The following RTL8C variants were observed in gnomAD, a reference collection of about 807,000 sequenced individuals.
RTL8C encodes retrotransposon Gag like 8C, also known as retrotransposon Gag-like protein 8C.
In RTL8C, 1 loss-of-function variant was observed where a neutral mutation model predicts 5.0. The observed-to-expected ratio is 0.20, with a 90% CI of 0.07 to 0.95. The LOEUF (loss-of-function observed/expected upper bound fraction) is 0.95. Among genes scored for constraint, RTL8C ranks in the 40% least tolerant of loss-of-function variants. The pLI, the probability that RTL8C is intolerant of heterozygous loss-of-function variation, is 0.63. For missense variants in RTL8C, 39 were observed against 99.3 expected (o/e 0.39, Z 2.58); for synonymous variants, 37 against 44.5 (o/e 0.83, Z 0.67).
At position 135,032,951 on chromosome X, in the gene RTL8C, C is replaced by G; in HGVS notation, c.*226C>G. ...CCCTGGGCCTCACTCTGGAGCGAGC[C>G]GCCGCCCTCTCCTTCCAGCCAGCCA... On this transcript the variant is annotated 3_prime_UTR_variant, in exon 1 of 1. Coordinates refer to ENST00000257013, the MANE Select transcript of RTL8C (RefSeq NM_001078171.2). The G allele has an allele frequency of 9.1e-7, 1 of 1,093,282 alleles. No individual in the cohort carries two copies. The highest frequency in any genetic ancestry group is 1.2e-6 in the Non-Finnish European group (1 of 836,195). 90.1% of individuals were successfully genotyped at this position (1,093,282 alleles called of 1,213,427 possible). A position where few individuals can be genotyped will look rare whatever the true frequency, so the allele number is the denominator to read the frequency against.
chrX:135,032,500 A>G lies in RTL8C; in HGVS notation c.117A>G (p.Arg39=), dbSNP rs202167524. Residue 39 remains arginine, a synonymous_variant, in exon 1 of 1, where the codon CGA becomes CGG. Coordinates refer to ENST00000257013, the MANE Select transcript of RTL8C (RefSeq NM_001078171.2). ...FPETFDGDTD[R]LPEFIVQTGS... Reference sequence around the variant, plus strand: ...AGACGTTTGACGGCGATACCGACCGACTCCCGGAGTTCATCGTGCAGACGG... The same window carrying G: ...AGACGTTTGACGGCGATACCGACCGGCTCCCGGAGTTCATCGTGCAGACGG... 57 of 1,209,658 alleles carry G rather than the reference A, an allele frequency of 4.7e-5. No individual in the cohort carries two copies. The highest frequency in any genetic ancestry group is 5.9e-5 in the Non-Finnish European group (53 of 895,103).
Position 135,033,156 on chromosome X carries a change from G to A in RTL8C, c.*431G>A. 1 of 933,439 alleles carries A rather than the reference G, an allele frequency of 1.1e-6. No homozygotes were observed. The highest frequency in any genetic ancestry group is 1.4e-6 in the Non-Finnish European group (1 of 708,927). 76.9% of individuals were successfully genotyped at this position (933,439 alleles called of 1,213,427 possible). ...GCTGCCACAGCCATCGCCATCCATCGCATCCCACCGACAGACTGCTGCTCC... is the reference window on the plus strand; with the variant it reads ...GCTGCCACAGCCATCGCCATCCATCACATCCCACCGACAGACTGCTGCTCC... On this transcript the variant is annotated 3_prime_UTR_variant, in exon 1 of 1. Coordinates refer to ENST00000257013, the MANE Select transcript of RTL8C (RefSeq NM_001078171.2).
Position 135,032,795 on chromosome X carries a change from G to C in RTL8C, c.*70G>C. ...CCGCTGTGTTACTGGCCGCCGCCAG[G>C]GTCGCCACCGGCGCCCTCCCTCCGC... On this transcript the variant is annotated 3_prime_UTR_variant, in exon 1 of 1. Transcript: ENST00000257013. 1.7e-6 allele frequency: 2 copies of C among 1,169,490 alleles called. No homozygotes were observed. The highest frequency in any genetic ancestry group is 1.8e-5 in the African/African-American group (1 of 56,509).
At position 135,033,282 on chromosome X, in the gene RTL8C, G is replaced by A; in HGVS notation, c.*557G>A. On this transcript the variant is annotated 3_prime_UTR_variant, in exon 1 of 1. Transcript: ENST00000257013. ...CCCCAAGGGATCTGTCACCTTCAGC[G>A]AGACCTATTTCCTCCCCACCCCCAG... 2.9e-6 allele frequency: 1 copy of A among 347,887 alleles called. No individual in the cohort carries two copies. The highest frequency in any genetic ancestry group is 5.3e-6 in the Non-Finnish European group (1 of 186,995). The allele number at this position is 347,887 out of a possible 1,213,427, so 28.7% of individuals were successfully genotyped here.
In RTL8C at chrX:135,033,254, G is replaced by GC; in HGVS notation, c.*535dup. ...TGGACAGTGATCCAGACAGCTGGCC[G>GC]CCCCCCAAGGGATCTGTCACCTTCA... is the stretch of plus-strand genomic sequence containing the variant. On this transcript the variant is annotated 3_prime_UTR_variant, in exon 1 of 1. Transcript: ENST00000257013. 2 of 435,401 alleles carry GC rather than the reference G, an allele frequency of 4.6e-6. No homozygotes were observed. Among genetic ancestry groups the GC allele is most frequent in the South Asian group, 2.7e-5 (1 of 37,462 alleles). The allele number at this position is 435,401 out of a possible 1,213,427, so 35.9% of individuals were successfully genotyped here.
Position 135,032,376 on chromosome X carries a change from G to T in RTL8C, c.-8G>T. On this transcript the variant is annotated 5_prime_UTR_variant, in exon 1 of 1. Coordinates refer to ENST00000257013, the MANE Select transcript of RTL8C (RefSeq NM_001078171.2). ...GCCCATTGACGTCCAGCGAAGCGAGGAGCAGCGATGGACGGTCGGGTGCAG... is the reference window on the plus strand; with the variant it reads ...GCCCATTGACGTCCAGCGAAGCGAGTAGCAGCGATGGACGGTCGGGTGCAG... The T allele has an allele frequency of 8.3e-7, 1 of 1,199,271 alleles. No homozygotes were observed. Among genetic ancestry groups the T allele is most frequent in the Non-Finnish European group, 1.1e-6 (1 of 888,685 alleles).
At position 135,032,787 on chromosome X, in the gene RTL8C, G is replaced by T. The variant is rs770960002; in HGVS notation, c.*62G>T. The T allele has an allele frequency of 8.2e-5, 96 of 1,177,382 alleles. 2 individuals are homozygous for T. The South Asian group carries it at 1.7e-3, about 21-fold the overall frequency. ...GGGAGGGTCCGCTGTGTTACTGGCC[G>T]CCGCCAGGGTCGCCACCGGCGCCCT... is the stretch of plus-strand genomic sequence containing the variant. On this transcript the variant is annotated 3_prime_UTR_variant, in exon 1 of 1. Transcript: ENST00000257013.
Position 135,032,355 on chromosome X carries a change from A to G in RTL8C, c.-29A>G, listed in dbSNP as rs372924234. On this transcript the variant is annotated 5_prime_UTR_variant, in exon 1 of 1. Transcript: ENST00000257013. ...ACCTCTGCAGAGCCGGGTGGAGCCC[A>G]TTGACGTCCAGCGAAGCGAGGAGCA... is the stretch of plus-strand genomic sequence containing the variant. 3.4e-6 allele frequency: 4 copies of G among 1,186,312 alleles called. No individual in the cohort carries two copies. Among genetic ancestry groups the G allele is most frequent in the East Asian group, 5.9e-5 (2 of 33,682 alleles).
Position 135,032,747 on chromosome X carries a change from G to C in RTL8C, c.*22G>C. ...CTAGGCCGGGAGACCCTCGGGCCTG[G>C]GGGCGGGTGCTCTGGGGAGGGTCCG... On this transcript the variant is annotated 3_prime_UTR_variant, in exon 1 of 1. Transcript: ENST00000257013. The C allele has an allele frequency of 1.7e-6, 2 of 1,207,504 alleles. No individual in the cohort carries two copies. Among genetic ancestry groups the C allele is most frequent in the Admixed American group, 4.4e-5 (2 of 45,715 alleles).
At position 135,033,165 on chromosome X, in the gene RTL8C, C is replaced by T. The variant is rs2083295930; in HGVS notation, c.*440C>T. 1 of 910,273 alleles carries T rather than the reference C, an allele frequency of 1.1e-6. No homozygotes were observed. The highest frequency in any genetic ancestry group is 1.5e-6 in the Non-Finnish European group (1 of 687,813). 75.0% of individuals were successfully genotyped at this position (910,273 alleles called of 1,213,427 possible). A position where few individuals can be genotyped will look rare whatever the true frequency, so the allele number is the denominator to read the frequency against. Reference sequence around the variant, plus strand: ...GCCATCGCCATCCATCGCATCCCACCGACAGACTGCTGCTCCTAGTGATCT... The same window carrying T: ...GCCATCGCCATCCATCGCATCCCACTGACAGACTGCTGCTCCTAGTGATCT... On this transcript the variant is annotated 3_prime_UTR_variant, in exon 1 of 1. Transcript: ENST00000257013.
rs952682272 is a variant in RTL8C, at chrX:135,032,857, C to A, written c.*132C>A. ...CCTCGAGCCGCCGCGATGTCCCCTG[C>A]GCTCCTGTTCCCTCCCGCGTAGTGC... On this transcript the variant is annotated 3_prime_UTR_variant, in exon 1 of 1. Transcript: ENST00000257013. The A allele has an allele frequency of 2.2e-5, 25 of 1,115,554 alleles. No individual in the cohort carries two copies. In the African/African-American group the frequency reaches 3.5e-4, roughly 16 times the overall value. 91.9% of individuals were successfully genotyped at this position (1,115,554 alleles called of 1,213,427 possible).
In RTL8C at chrX:135,033,097, C is replaced by T; in HGVS notation, c.*372C>T. ...AAGCCCTCTCCTCCCCACCAGACTGCCAGACGACTACATCATTCTGCCCAC... is the reference window on the plus strand; with the variant it reads ...AAGCCCTCTCCTCCCCACCAGACTGTCAGACGACTACATCATTCTGCCCAC... On this transcript the variant is annotated 3_prime_UTR_variant, in exon 1 of 1. Coordinates refer to ENST00000257013, the MANE Select transcript of RTL8C (RefSeq NM_001078171.2). The T allele has an allele frequency of 2.1e-6, 2 of 960,436 alleles. No homozygotes were observed. The highest frequency in any genetic ancestry group is 5.9e-5 in the Admixed American group (2 of 34,066). The allele number at this position is 960,436 out of a possible 1,213,427, so 79.2% of individuals were successfully genotyped here. A position where few individuals can be genotyped will look rare whatever the true frequency, so the allele number is the denominator to read the frequency against.
Position 135,032,713 on chromosome X carries a change from C to T in RTL8C, c.330C>T (p.Asp110=). The change falls in exon 1 of 1, where the codon GAC becomes GAT. Residue 110 remains aspartate, a synonymous_variant. Transcript: ENST00000257013. ...AGCGAGTCTTTGGATGGGAGGAGGA[C>T]GAGGACTTCTAGGCCGGGAGACCCT... The part of the protein sequence containing the change: ...EMKRVFGWEE[D]EDF 4.1e-6 allele frequency: 5 copies of T among 1,210,669 alleles called. No individual in the cohort carries two copies. Among genetic ancestry groups the T allele is most frequent in the Non-Finnish European group, 5.6e-6 (5 of 894,842 alleles).
At position 135,032,976 on chromosome X, in the gene RTL8C, A is replaced by AGCCC; in HGVS notation, c.*252_*255dup. On this transcript the variant is annotated 3_prime_UTR_variant, in exon 1 of 1. Coordinates refer to ENST00000257013, the MANE Select transcript of RTL8C (RefSeq NM_001078171.2). ...CGCCGCCCTCTCCTTCCAGCCAGCC[A>AGCCC]GCCCCTCCCATGTACATTTGGACGC... 9.3e-7 allele frequency: 1 copy of AGCCC among 1,071,729 alleles called. No homozygotes were observed. The highest frequency in any genetic ancestry group is 1.2e-6 in the Non-Finnish European group (1 of 818,319). 88.3% of individuals were successfully genotyped at this position (1,071,729 alleles called of 1,213,427 possible). A position where few individuals can be genotyped will look rare whatever the true frequency, so the allele number is the denominator to read the frequency against.
rs751145225 is a variant in RTL8C, at chrX:135,032,742, G to T, written c.*17G>T. ...GACTTCTAGGCCGGGAGACCCTCGG[G>T]CCTGGGGGCGGGTGCTCTGGGGAGG... On this transcript the variant is annotated 3_prime_UTR_variant, in exon 1 of 1. Coordinates refer to ENST00000257013, the MANE Select transcript of RTL8C (RefSeq NM_001078171.2). 9.1e-6 allele frequency: 11 copies of T among 1,206,769 alleles called. No individual in the cohort carries two copies. The highest frequency in any genetic ancestry group is 1.2e-5 in the Non-Finnish European group (11 of 893,510).
chrX:135,032,868 C>T lies in RTL8C; in HGVS notation c.*143C>T. ...CGCGATGTCCCCTGCGCTCCTGTTC[C>T]CTCCCGCGTAGTGCTTGCCTTTGTT... On this transcript the variant is annotated 3_prime_UTR_variant, in exon 1 of 1. Transcript: ENST00000257013. 9.0e-7 allele frequency: 1 copy of T among 1,113,241 alleles called. No individual in the cohort carries two copies. Among genetic ancestry groups the T allele is most frequent in the South Asian group, 2.3e-5 (1 of 44,159 alleles). 91.7% of individuals were successfully genotyped at this position (1,113,241 alleles called of 1,213,427 possible).
chrX:135,032,486 G>T lies in RTL8C; in HGVS notation c.103G>T (p.Gly35Cys). Residue 35 changes from glycine to cysteine, a missense_variant, in exon 1 of 1, where the codon GGC (glycine) becomes TGC (cysteine). By Grantham distance (159) the Gly-to-Cys change is radical (BLOSUM62 -3). Coordinates refer to ENST00000257013, the MANE Select transcript of RTL8C (RefSeq NM_001078171.2). ...NPIPFPETFD[G>C]DTDRLPEFIV... ...GATTCCCTTTCCCGAGACGTTTGAC[G>T]GCGATACCGACCGACTCCCGGAGTT... 8.3e-7 allele frequency: 1 copy of T among 1,211,962 alleles called. No individual in the cohort carries two copies. The highest frequency in any genetic ancestry group is 1.1e-6 in the Non-Finnish European group (1 of 895,615).
Position 135,032,488 on chromosome X carries a change from C to A in RTL8C, c.105C>A (p.Gly35=), listed in dbSNP as rs201161184. Reference sequence around the variant, plus strand: ...TTCCCTTTCCCGAGACGTTTGACGGCGATACCGACCGACTCCCGGAGTTCA... The same window carrying A: ...TTCCCTTTCCCGAGACGTTTGACGGAGATACCGACCGACTCCCGGAGTTCA... The part of the protein sequence containing the change: ...NPIPFPETFD[G]DTDRLPEFIV... The change falls in exon 1 of 1, where the codon GGC becomes GGA. Residue 35 remains glycine (G), a synonymous_variant. Coordinates refer to ENST00000257013, the MANE Select transcript of RTL8C (RefSeq NM_001078171.2). 4.1e-4 allele frequency: 496 copies of A among 1,210,759 alleles called. No homozygotes were observed. Among genetic ancestry groups the A allele is most frequent in the Non-Finnish European group, 5.1e-4 (453 of 895,380 alleles).
rs2083295472 is a variant in RTL8C, at chrX:135,033,013, C to G, written c.*288C>G. The G allele has an allele frequency of 2.9e-6, 3 of 1,030,209 alleles. No homozygotes were observed. The highest frequency in any genetic ancestry group is 3.8e-6 in the Non-Finnish European group (3 of 779,253). 84.9% of individuals were successfully genotyped at this position (1,030,209 alleles called of 1,213,427 possible). On this transcript the variant is annotated 3_prime_UTR_variant, in exon 1 of 1. Coordinates refer to ENST00000257013, the MANE Select transcript of RTL8C (RefSeq NM_001078171.2). ...GTACATTTGGACGCTGTCCTGCGCT[C>G]CAGCTGCAAGCTGGGCTCCTGTTAC...
Sources: gnomAD v4.1 joint callset for allele counts on GRCh38, gnomAD v4.1.1 for gene constraint, MANE v1.5 for transcripts, NCBI Gene and HGNC (gene_info 2026-07-23, HGNC 2026-07-21) for gene names.